The following SCLT1 variants were observed in gnomAD, a reference collection of about 807,000 sequenced individuals.
The protein encoded by SCLT1 is sodium channel-associated protein 1.
In SCLT1, 78 loss-of-function variants were observed where a neutral mutation model predicts 112.8. That is an observed-to-expected ratio of 0.69 (90% CI 0.58 to 0.83). The LOEUF is 0.83. SCLT1 is among the 40% of genes least tolerant of loss of function. The pLI is 0.00. For synonymous variants in SCLT1, 257 were observed against 254.7 expected, an observed-to-expected ratio of 1.01 and a Z score of -0.09; for missense variants, 747 against 770.4, an observed-to-expected ratio of 0.97 and a Z score of 0.36.
intron 15 of SCLT1, among the ~76,000 whole-genome samples, chr4:128,947,513 G>A (rs931583006): frequency 3.3e-5 from 5 of 151,808 alleles, no homozygotes; most frequent in African/African-American, 1.2e-4. Flanking sequence ...TAATTTTTAC[G>A]CTACATAGCT....
intron 18 of SCLT1, among the ~76,000 whole-genome samples, chr4:128,897,798 C>G (rs1007036010): frequency 3.3e-5 from 5 of 152,136 alleles, no homozygotes; most frequent in African/African-American, 1.2e-4. Flanking sequence ...CAGAGACACA[C>G]ATAGGCTCAA....
At chr4:128,887,404 T>C (rs1732967880) in intron 20 of SCLT1, among the ~76,000 whole-genome samples, 1 of 152,052 alleles carries the variant, frequency 6.6e-6, no homozygotes, top group Non-Finnish European at 1.5e-5. Flanking sequence ...CAGAAGTAGA[T>C]TCAAAAAAAT....
At chr4:129,092,785 TCCTGCTGGCCATTAG>T (rs763111775) in intron 1 of SCLT1, among the ~76,000 whole-genome samples, 2 of 152,210 alleles carry the variant, frequency 1.3e-5, no homozygotes, top group Non-Finnish European at 2.9e-5. Flanking sequence ...ACTTGGAAAC[TCCTGCTGGCCATTAG>T]CCTTCTAATC....
At chr4:129,011,849 G>A (rs1011448676) in intron 5 of SCLT1, among the ~76,000 whole-genome samples, 4 of 152,034 alleles carry the variant, frequency 2.6e-5, no homozygotes, top group African/African-American at 9.7e-5. Flanking sequence ...ATTATTTGAT[G>A]GTTGTTTGTA....
At chr4:129,041,238 T>C (rs1280062953) in intron 4 of SCLT1, among the ~76,000 whole-genome samples, 1 of 152,200 alleles carries the variant, frequency 6.6e-6, no homozygotes, top group Non-Finnish European at 1.5e-5. Context: ...TAAAAGACAT[T>C]ACTGTGCTTG....
chr4:128,980,802 T>C (rs1741579795), intron 9 of SCLT1, among the ~76,000 whole-genome samples: 1 of 152,180 alleles, frequency 6.6e-6, no homozygotes, highest in South Asian at 2.1e-4. Context: ...TCCAGGTGTG[T>C]TGTTTTGGAA....
At chr4:128,877,818 T>C (rs957238565) in intron 3 of SCLT1, among the ~76,000 whole-genome samples, 4 of 152,210 alleles carry the variant, frequency 2.6e-5, no homozygotes, top group African/African-American at 9.7e-5. Flanking sequence ...TTAAAAGACT[T>C]TGAGTATAAC....
intron 18 of SCLT1, among the ~76,000 whole-genome samples, chr4:128,907,534 G>A (rs1440547580): frequency 6.6e-6 from 1 of 152,068 alleles, no homozygotes; most frequent in African/African-American, 2.4e-5. Context: ...GGGAAATATA[G>A]GATGAAATAA....
intron 9 of SCLT1, among the ~76,000 whole-genome samples, chr4:128,983,751 C>A (rs760503623): frequency 1.3e-5 from 2 of 152,128 alleles, no homozygotes; most frequent in Admixed American, 6.5e-5. Context: ...TATAAGTTCA[C>A]ATGATTTTAA....
At chr4:128,884,913 G>C (rs1732776834) in intron 20 of SCLT1, among the ~76,000 whole-genome samples, 1 of 152,046 alleles carries the variant, frequency 6.6e-6, no homozygotes, top group Non-Finnish European at 1.5e-5. Context: ...TCAAAGTACT[G>C]GGATTATAGG....
chr4:128,897,482 T>G (rs1733871944), intron 18 of SCLT1, among the ~76,000 whole-genome samples: 1 of 90,864 alleles, frequency 1.1e-5, no homozygotes, highest in Admixed American at 1.2e-4. Context: ...CTGAGAGATT[T>G]TGTCACCACC....
chr4:128,913,969 C>T (rs940620554), intron 18 of SCLT1, among the ~76,000 whole-genome samples: 2 of 152,130 alleles, frequency 1.3e-5, no homozygotes, highest in Non-Finnish European at 2.9e-5. Flanking sequence ...CTGGTACTCA[C>T]CCGCTCCTCA....
intron 2 of SCLT1, among the ~76,000 whole-genome samples, chr4:129,055,135 G>C (rs1347662699): frequency 6.6e-6 from 1 of 152,206 alleles, no homozygotes; most frequent in Non-Finnish European, 1.5e-5. Flanking sequence ...CCTTCCTCTG[G>C]AAGCTTCATC....
chr4:128,973,528 G>C (rs1033345908), intron 9 of SCLT1, among the ~76,000 whole-genome samples: 1 of 151,326 alleles, frequency 6.6e-6, no homozygotes, highest in African/African-American at 2.4e-5. Context: ...GAGGGAGAGA[G>C]AGAAAGAGAG....
At position 128,992,240 on chromosome 4, in the gene SCLT1, G is replaced by A. The variant is rs1224657781; in HGVS notation, c.616-3C>T. ...GTTTTCAGAAACTGTTGGTTAGTCT[G>A]CCACAAGAAAAAAAAAGAATCAGTA... is the stretch of plus-strand genomic sequence containing the variant. On this transcript the variant is annotated splice_region_variant and splice_polypyrimidine_tract_variant and intron_variant, in intron 8 of 20. Transcript: ENST00000281142. 2 of 1,574,856 alleles carry A rather than the reference G, an allele frequency of 1.3e-6. No individual in the cohort carries two copies. The highest frequency in any genetic ancestry group is 1.7e-5 in the Admixed American group (1 of 57,360).
chr4:128,927,720 G>C (rs1736408904), intron 18 of SCLT1, among the ~76,000 whole-genome samples: 2 of 151,492 alleles, frequency 1.3e-5, no homozygotes, highest in Admixed American at 1.3e-4. Context: ...TCTATTTCAA[G>C]AAGTAAGAAA....
At position 128,999,657 on chromosome 4, in the gene SCLT1, G is replaced by T; in HGVS notation, c.549+15C>A. On this transcript the variant is annotated intron_variant, in intron 7 of 20. Coordinates refer to ENST00000281142, the MANE Select transcript of SCLT1 (RefSeq NM_144643.4). The stretch of plus-strand genomic sequence containing the variant: ...TCTTATTGATATACAAGAAAATGAT[G>T]AAATCCAAGATTACCTTTTGTTTTT... 1.3e-6 allele frequency: 2 copies of T among 1,590,104 alleles called. No homozygotes were observed.
intron 2 of SCLT1, among the ~76,000 whole-genome samples, chr4:129,048,424 A>G (rs922316961): frequency 2.6e-5 from 4 of 151,046 alleles, no homozygotes; most frequent in Non-Finnish European, 4.4e-5. Context: ...CTGGCTAGCC[A>G]TATGTAGAAA....
intron 9 of SCLT1, among the ~76,000 whole-genome samples, chr4:128,985,240 T>TAC (rs935291256): frequency 6.6e-6 from 1 of 152,052 alleles, no homozygotes; most frequent in African/African-American, 2.4e-5. Context: ...TCTCTTGTAA[T>TAC]ACACACACAC....
Sources: allele counts gnomAD v4.1 joint callset (sites outside exome capture counted in the v4.1 genomes callset), GRCh38; gene constraint gnomAD v4.1.1; transcripts MANE v1.5; gene names NCBI Gene and HGNC (gene_info 2026-07-23, HGNC 2026-07-21).